The following XPO4 variants were observed in gnomAD, a reference collection of about 807,000 sequenced individuals.
The protein encoded by XPO4 is exportin 4.
Under a neutral mutation model 143.0 loss-of-function variants are expected in XPO4, and 39 were observed. The observed-to-expected ratio is 0.27, with a 90% CI of 0.21 to 0.36. XPO4 has a LOEUF of 0.36. Among genes scored for constraint, XPO4 ranks in the 10% least tolerant of loss-of-function variants. The pLI is 1.00. For synonymous variants in XPO4, 439 were observed against 474.0 expected, an observed-to-expected ratio of 0.93 and a Z score of 0.96; for missense variants, 907 against 1,348.0, an observed-to-expected ratio of 0.67 and a Z score of 5.12.
chr13:20,866,461 A>G, intron 2 of XPO4: 2 of 868,886 alleles, frequency 2.3e-6, no homozygotes, highest in Non-Finnish European at 2.8e-6. Context: ...CATAATCCCT[A>G]AACAAGAATG....
chr13:20,799,143 T>A, intron 16 of XPO4, 22 bp downstream of exon 16: 3 of 1,545,682 alleles, frequency 1.9e-6, no homozygotes, highest in Admixed American at 1.8e-5. Flanking sequence ...AAGGGTGCAA[T>A]CAAAATAGAC....
chr13:20,784,494 A>G lies in XPO4; in HGVS notation c.3259-575T>C, dbSNP rs578193530. Among the ~76,000 whole-genome samples the G allele has an allele frequency of 3.3e-5, 5 of 152,322 alleles. No individual in the cohort carries two copies. In the South Asian group the frequency reaches 1.0e-3, roughly 32 times the overall value. ...GCTCCAAACCAGCACTGTGCCCAGC[A>G]GCTCTTAGAGAAAGGGCAGGAAGAG... is the stretch of plus-strand genomic sequence containing the variant. On this transcript the variant is annotated intron_variant, in intron 22 of 22. Coordinates refer to ENST00000255305, the MANE Select transcript of XPO4 (RefSeq NM_022459.5).
At chr13:20,848,947 T>A (rs528435584) in intron 4 of XPO4, 1 of 985,428 alleles carries the variant, frequency 1.0e-6, no homozygotes, top group East Asian at 1.1e-4. Flanking sequence ...ACAATTTAAG[T>A]AACTCTTATC....
At position 20,783,445 on chromosome 13, in the gene XPO4, G is replaced by C. The variant is rs2059163871; in HGVS notation, c.*277C>G. 6.5e-6 allele frequency: 3 copies of C among 463,262 alleles called. No homozygotes were observed. Among genetic ancestry groups the C allele is most frequent in the Non-Finnish European group, 1.2e-5 (3 of 256,772 alleles). 28.7% of individuals were successfully genotyped at this position (463,262 alleles called of 1,614,324 possible). ...TATGTATTTCGTGGTGCCCATATCTGTTTGCACATATATGGAATTTCATTT... is the reference window on the plus strand; with the variant it reads ...TATGTATTTCGTGGTGCCCATATCTCTTTGCACATATATGGAATTTCATTT... On this transcript the variant is annotated 3_prime_UTR_variant, in exon 23 of 23. Coordinates refer to ENST00000255305, the MANE Select transcript of XPO4 (RefSeq NM_022459.5).
chr13:20,902,750 A>T, upstream of XPO4: 1 of 1,516,404 alleles, frequency 6.6e-7, no homozygotes, highest in Non-Finnish European at 8.9e-7. Context: ...GTCTCTCTTC[A>T]ATGACGCGCC....
At chr13:20,852,742 A>G (rs1484797241) in intron 4 of XPO4, 1 of 982,332 alleles carries the variant, frequency 1.0e-6, no homozygotes, top group African/African-American at 1.7e-5. Flanking sequence ...ATATTAAAAA[A>G]GACTAGAAGA....
chr13:20,897,224 G>A (rs1233646760), intron 1 of XPO4, among the ~76,000 whole-genome samples: 4 of 152,014 alleles, frequency 2.6e-5, no homozygotes, highest in Non-Finnish European at 5.9e-5. Flanking sequence ...TTTTTATGAC[G>A]TGTACTGTGG....
At position 20,781,848 on chromosome 13, in the gene XPO4, CAAAT is replaced by C. The variant is rs1383846488; in HGVS notation, c.*1870_*1873del. 6.6e-6 allele frequency: 1 copy of C among 151,178 alleles called. No individual in the cohort carries two copies. Among genetic ancestry groups the C allele is most frequent in the Non-Finnish European group, 1.5e-5 (1 of 67,806 alleles). The allele number at this position is 151,178 out of a possible 1,614,324, so 9.4% of individuals were successfully genotyped here. ...ACAAAACACCAAGAACAATGCAAAACAAATAGATTACTGCTGCATATCACTTCAA... is the reference window on the plus strand; with the variant it reads ...ACAAAACACCAAGAACAATGCAAAACAGATTACTGCTGCATATCACTTCAA... On this transcript the variant is annotated 3_prime_UTR_variant, in exon 23 of 23. Transcript: ENST00000255305.
At chr13:20,887,326 T>G (rs1029348109) in intron 1 of XPO4, among the ~76,000 whole-genome samples, 1 of 151,980 alleles carries the variant, frequency 6.6e-6, no homozygotes, top group Non-Finnish European at 1.5e-5. Flanking sequence ...ATAAGGGAGG[T>G]GATGGATATG....
intron 6 of XPO4, among the ~76,000 whole-genome samples, chr13:20,831,657 T>G (rs2059853056): frequency 6.6e-6 from 1 of 152,084 alleles, no homozygotes; most frequent in South Asian, 2.1e-4. Context: ...AAAACACAAT[T>G]CCATCAATAA....
intron 1 of XPO4, among the ~76,000 whole-genome samples, chr13:20,887,077 A>C (rs35063237): frequency 2.0e-5 from 3 of 152,142 alleles, no homozygotes; most frequent in African/African-American, 7.2e-5. Flanking sequence ...TCTCAAAAAA[A>C]AAATAAATAA....
intron 6 of XPO4, among the ~76,000 whole-genome samples, chr13:20,828,098 A>G (rs530513550): frequency 2.0e-5 from 3 of 152,270 alleles, no homozygotes; most frequent in Non-Finnish European, 1.5e-5. Context: ...TTAGCTGGGC[A>G]TGGTGGCAGG....
chr13:20,900,449 T>C (rs2060609739), intron 1 of XPO4, among the ~76,000 whole-genome samples: 1 of 152,092 alleles, frequency 6.6e-6, no homozygotes. Context: ...AAGTAATATA[T>C]GTAAAGGGCT....
chr13:20,893,108 T>C, intron 1 of XPO4, among the ~76,000 whole-genome samples: 1 of 151,934 alleles, frequency 6.6e-6, no homozygotes, highest in East Asian at 1.9e-4. Context: ...AAAGCTAGTG[T>C]GGCTGATGAA....
At chr13:20,849,839 C>T (rs1483714648) in intron 4 of XPO4, 1 of 983,004 alleles carries the variant, frequency 1.0e-6, no homozygotes, top group East Asian at 1.1e-4. Flanking sequence ...AATGTGGTGG[C>T]TCACACCTGT....
chr13:20,838,609 C>CAAA (rs36097222), intron 6 of XPO4, among the ~76,000 whole-genome samples: 19 of 87,648 alleles, frequency 2.2e-4, no homozygotes, highest in South Asian at 1.2e-3. Context: ...GACTCCATCT[C>CAAA]AAAAAAAAAA....
rs2059862190 is a variant in XPO4, at chr13:20,832,270, T to TGTC, written c.728-5092_728-5091insGAC. Among the ~76,000 whole-genome samples the TGTC allele has an allele frequency of 2.6e-5, 4 of 152,318 alleles. No homozygotes were observed. In the East Asian group the frequency reaches 7.7e-4, roughly 29 times the overall value. ...TACAACAAACAGCATTGTCATTAAATACGTACATCTTAACATGTAGTGGGG... is the reference window on the plus strand; with the variant it reads ...TACAACAAACAGCATTGTCATTAAATGTCACGTACATCTTAACATGTAGTGGGG... On this transcript the variant is annotated intron_variant, in intron 6 of 22. Transcript: ENST00000255305.
intron 1 of XPO4, among the ~76,000 whole-genome samples, chr13:20,886,290 T>C (rs1566626987): frequency 8.3e-6 from 1 of 120,706 alleles, no homozygotes; most frequent in African/African-American, 2.9e-5. Flanking sequence ...AATTCAAGGA[T>C]GAAAAAAAAT....
chr13:20,868,698 G>C lies in XPO4; in HGVS notation c.73C>G (p.Pro25Ala). Residue 25 changes from proline (P) to alanine (A), a missense_variant, in exon 2 of 23, where the codon CCA (proline) becomes GCA (alanine). Pro to Ala is a conservative substitution (Grantham distance 27, BLOSUM62 -1). Coordinates refer to ENST00000255305, the MANE Select transcript of XPO4 (RefSeq NM_022459.5). ...LENAAKVLMA[P>A]PSMVNNEQRQ... Reference sequence around the variant, plus strand: ...TGTTCATTATTGACCATGGAAGGTGGTGCCTTGAGAGTTAAAGACAAGAAC... The same window carrying C: ...TGTTCATTATTGACCATGGAAGGTGCTGCCTTGAGAGTTAAAGACAAGAAC... 1 of 1,612,160 alleles carries C rather than the reference G, an allele frequency of 6.2e-7. No homozygotes were observed. The highest frequency in any genetic ancestry group is 1.1e-5 in the South Asian group (1 of 90,736).
Sources: gnomAD v4.1 joint callset for allele counts (sites outside exome capture counted in the v4.1 genomes callset) on GRCh38, gnomAD v4.1.1 for gene constraint, MANE v1.5 for transcripts, NCBI Gene and HGNC (gene_info 2026-07-23, HGNC 2026-07-21) for gene names.